Variants in FIP1L1 observed in about 807,000 individuals in gnomAD.
The protein encoded by FIP1L1 is pre-mRNA 3'-end-processing factor FIP1.
A neutral mutation model predicts 84.6 loss-of-function variants in FIP1L1; 21 were observed. The ratio of observed to expected loss-of-function variants is 0.25; its 90% CI spans 0.18 to 0.36. The LOEUF (loss-of-function observed/expected upper bound fraction) is 0.36, where lower values mean the gene tolerates loss of function less well. Ranked by LOEUF, FIP1L1 falls within the 10% of genes least tolerant of loss-of-function variation. The pLI, the probability that FIP1L1 is intolerant of heterozygous loss-of-function variation, is 1.00. For missense variants in FIP1L1, 526 were observed against 751.1 expected (o/e 0.70, Z 3.50); for synonymous variants, 263 against 242.3 (o/e 1.09, Z -0.80).
chr4:53,437,699 TTTTATTTATTTA>T (rs142843702), intron 13 of FIP1L1, among the ~76,000 whole-genome samples: 4 of 150,718 alleles, frequency 2.7e-5, no homozygotes, highest in Admixed American at 2.0e-4. Context: ...TCAAGGTAGT[TTTTATTTATTTA>T]TTTATTTATT....
Position 53,442,642 on chromosome 4 carries a change from G to A in FIP1L1, c.1175-11G>A. ...TGTTAACATTTTTTATCTTATGATT[G>A]AATGTTTCAGGTTTTCCTCCTCCAC... On this transcript the variant is annotated splice_polypyrimidine_tract_variant and intron_variant, in intron 13 of 17. Coordinates refer to ENST00000337488, the MANE Select transcript of FIP1L1 (RefSeq NM_030917.4). 1 of 1,583,496 alleles carries A rather than the reference G, an allele frequency of 6.3e-7. No homozygotes were observed. The highest frequency in any genetic ancestry group is 8.7e-7 in the Non-Finnish European group (1 of 1,153,002).
At chr4:53,438,769 A>G (rs1770619410) in intron 13 of FIP1L1, among the ~76,000 whole-genome samples, 1 of 152,122 alleles carries the variant, frequency 6.6e-6, no homozygotes, top group African/African-American at 2.4e-5. Flanking sequence ...TTTTATCTCT[A>G]CATTTTGTGG....
chr4:53,439,729 C>G (rs112498427), intron 13 of FIP1L1, among the ~76,000 whole-genome samples: 1 of 152,022 alleles, frequency 6.6e-6, no homozygotes, highest in East Asian at 1.9e-4. Flanking sequence ...GCTTAGAAAT[C>G]TCTCATTTTT....
intron 12 of FIP1L1, among the ~76,000 whole-genome samples, chr4:53,427,607 C>T (rs563605016): frequency 6.6e-6 from 1 of 152,112 alleles, no homozygotes; most frequent in African/African-American, 2.4e-5. Context: ...TGACCTGCTG[C>T]CATGTTAATT....
intron 10 of FIP1L1, among the ~76,000 whole-genome samples, chr4:53,405,468 T>C (rs1752805794): frequency 6.6e-6 from 1 of 152,092 alleles, no homozygotes; most frequent in South Asian, 2.1e-4. Context: ...TTCTTTTGGC[T>C]TAGGATTGCC....
chr4:53,428,976 C>T (rs1234691435), intron 13 of FIP1L1, among the ~76,000 whole-genome samples: 1 of 152,304 alleles, frequency 6.6e-6, no homozygotes, highest in East Asian at 1.9e-4. Context: ...TCCTATTAAT[C>T]AAATCAGTTT....
intron 11 of FIP1L1, among the ~76,000 whole-genome samples, chr4:53,418,853 A>G (rs1185794203): frequency 2.0e-5 from 3 of 152,220 alleles, no homozygotes; most frequent in African/African-American, 7.2e-5. Flanking sequence ...TTAAATGAAT[A>G]TTATATCTAA....
chr4:53,449,575 A>C (rs1331166205), intron 15 of FIP1L1, among the ~76,000 whole-genome samples: 1 of 152,068 alleles, frequency 6.6e-6, no homozygotes, highest in Non-Finnish European at 1.5e-5. Context: ...TTGGCTTAGG[A>C]TTTCCCTTTA....
intron 10 of FIP1L1, among the ~76,000 whole-genome samples, chr4:53,406,442 T>G (rs1442658652): frequency 4.6e-5 from 7 of 152,236 alleles, no homozygotes; most frequent in Non-Finnish European, 1.0e-4. Flanking sequence ...TGCGTCAATG[T>G]TCATCAGGGA....
chr4:53,378,212 C>T (rs767916718), intron 1 of FIP1L1: 20 of 331,696 alleles, frequency 6.0e-5, no homozygotes, highest in Non-Finnish European at 1.1e-4. Context: ...CGAGGCGTCT[C>T]GATCGCCTAG....
chr4:53,417,777 TCTCTCTCTCTCTCTCTCTCTCTCTCTCTC>T (rs1560537320), intron 11 of FIP1L1, among the ~76,000 whole-genome samples: 2 of 39,000 alleles, frequency 5.1e-5, no homozygotes, highest in Non-Finnish European at 1.0e-4. Flanking sequence ...TCTCTCTCTC[TCTCTCTCTCTCTCTCTCTCTCTCTCTCTC>T]TCTCTCTCTC....
At chr4:53,378,263 A>G (rs1427870053) in intron 1 of FIP1L1, 1 of 250,844 alleles carries the variant, frequency 4.0e-6, no homozygotes, top group East Asian at 6.6e-5. Context: ...GTCGATTCTG[A>G]GGTGGTGGTT....
chr4:53,387,801 C>T (rs531836703), intron 5 of FIP1L1, among the ~76,000 whole-genome samples: 29 of 152,254 alleles, frequency 1.9e-4, no homozygotes, highest in African/African-American at 6.3e-4. Flanking sequence ...GTAGAAAAAT[C>T]ATGTACATCA....
chr4:53,414,375 G>A (rs774872732), intron 10 of FIP1L1, among the ~76,000 whole-genome samples: 1 of 151,954 alleles, frequency 6.6e-6, no homozygotes, highest in Non-Finnish European at 1.5e-5. Context: ...TTTCTGCATT[G>A]ACATCATACT....
At chr4:53,452,330 T>C (rs1716559515) in intron 15 of FIP1L1, among the ~76,000 whole-genome samples, 1 of 152,148 alleles carries the variant, frequency 6.6e-6, no homozygotes, top group African/African-American at 2.4e-5. Flanking sequence ...TTTTTTTTTT[T>C]CTTTTTTTGA....
chr4:53,379,306 T>G, intron 3 of FIP1L1, 42 bp downstream of exon 3: 1 of 1,511,206 alleles, frequency 6.6e-7, no homozygotes, highest in Non-Finnish European at 8.9e-7. Flanking sequence ...ACAGGTTGTG[T>G]GAAACAATGG....
chr4:53,409,270 T>C (rs1021017991), intron 10 of FIP1L1, among the ~76,000 whole-genome samples: 2 of 152,236 alleles, frequency 1.3e-5, no homozygotes, highest in African/African-American at 4.8e-5. Flanking sequence ...CTCCAGATCC[T>C]GTTTGCCTGG....
Position 53,438,341 on chromosome 4 carries a change from A to G in FIP1L1, c.1175-4312A>G, listed in dbSNP as rs61432163. ...CTTACACTGTTTCTCTTTTATTAAGAAAAGTCAAATACTAAATAGTGATTT... is the reference window on the plus strand; with the variant it reads ...CTTACACTGTTTCTCTTTTATTAAGGAAAGTCAAATACTAAATAGTGATTT... On this transcript the variant is annotated intron_variant, in intron 13 of 17. Coordinates refer to ENST00000337488, the MANE Select transcript of FIP1L1 (RefSeq NM_030917.4). Among the ~76,000 whole-genome samples the G allele has an allele frequency of 9.4e-3, 1,427 of 152,332 alleles. 20 individuals carry two copies. The highest frequency in any genetic ancestry group is 0.033 in the African/African-American group (1,363 of 41,554).
chr4:53,392,407 A>G (rs1238903072), intron 9 of FIP1L1, among the ~76,000 whole-genome samples: 4 of 152,232 alleles, frequency 2.6e-5, no homozygotes, highest in Non-Finnish European at 5.9e-5. Flanking sequence ...TCTACTGTAC[A>G]CAGTTCTATA....
Sources: gnomAD v4.1 joint callset for allele counts (sites outside exome capture counted in the v4.1 genomes callset) on GRCh38, gnomAD v4.1.1 for gene constraint, MANE v1.5 for transcripts, NCBI Gene and HGNC (gene_info 2026-07-23, HGNC 2026-07-21) for gene names.